The following TPCN2 variants were observed in gnomAD, a reference collection of about 807,000 sequenced individuals.
TPCN2 encodes two pore segment channel 2.
In TPCN2, 92 loss-of-function variants were observed where a neutral mutation model predicts 111.4. The ratio of observed to expected loss-of-function variants is 0.83; its 90% CI spans 0.70 to 0.98. TPCN2 has a LOEUF of 0.98. Ranked by LOEUF, TPCN2 falls within the 50% of genes least tolerant of loss-of-function variation. The pLI is 0.00. For synonymous variants in TPCN2, 405 were observed against 414.5 expected (o/e 0.98, Z 0.28); for missense variants, 995 against 980.1 (o/e 1.02, Z -0.20).
At position 69,087,046 on chromosome 11, in the gene TPCN2, C is replaced by T. The variant is rs564725787; in HGVS notation, c.2086-66C>T. ...GCCCTGTGGCTGACCCTGGAGGGGC[C>T]GGGGATGGGGCAAGGCTGCTTTCAT... On this transcript the variant is annotated intron_variant, in intron 23 of 24. Transcript: ENST00000294309. 1.0e-4 allele frequency: 146 copies of T among 1,430,828 alleles called. No homozygotes were observed. In the South Asian group the frequency reaches 1.1e-3, roughly 11 times the overall value. 88.6% of individuals were successfully genotyped at this position (1,430,828 alleles called of 1,614,324 possible).
In TPCN2 at chr11:69,088,209, G is replaced by A. The variant is rs753555833; in HGVS notation, c.*256G>A. 12 of 504,988 alleles carry A rather than the reference G, an allele frequency of 2.4e-5. No individual in the cohort carries two copies. The highest frequency in any genetic ancestry group is 3.6e-5 in the Admixed American group (1 of 27,938). 31.3% of individuals were successfully genotyped at this position (504,988 alleles called of 1,614,324 possible). On this transcript the variant is annotated 3_prime_UTR_variant, in exon 25 of 25. Coordinates refer to ENST00000294309, the MANE Select transcript of TPCN2 (RefSeq NM_139075.4). ...TAGCTGCTTCAGTGAGAATTCCCTC[G>A]TCGACTCCACAGGGACCTTTCAGAC...
chr11:69,079,934 C>G, intron 17 of TPCN2, 51 bp downstream of exon 17: 1 of 1,582,550 alleles, frequency 6.3e-7, no homozygotes, highest in Non-Finnish European at 8.7e-7. Flanking sequence ...GCACCACCAC[C>G]CAGCGCCCCT....
At chr11:69,083,829 GTGGTCAT>G (rs1217055624) in intron 18 of TPCN2, 109 bp from the exon 19 acceptor site, 1 of 868,612 alleles carries the variant, frequency 1.2e-6, no homozygotes, top group African/African-American at 1.6e-5. Flanking sequence ...GTGTGGGTTG[GTGGTCAT>G]TGGCCTGCCC....
At chr11:69,085,396 C>T in intron 20 of TPCN2, 110 bp downstream of exon 20, 2 of 1,115,828 alleles carry the variant, frequency 1.8e-6, no homozygotes, top group Non-Finnish European at 2.7e-6. Flanking sequence ...GGAGGGTGTT[C>T]TCCCAGTTCC....
Position 69,085,257 on chromosome 11 carries a change from C to A in TPCN2, c.1809C>A (p.Gly603=). ...FAIIGINLFR[G]VIVALPGNSS... is the part of the protein sequence containing the mutation. ...TCATTGGGATCAACTTGTTTAGAGGCGTCATTGTGGCTCTTCCTGGAAACA... is the reference window on the plus strand; with the variant it reads ...TCATTGGGATCAACTTGTTTAGAGGAGTCATTGTGGCTCTTCCTGGAAACA... Residue 603 remains glycine, a synonymous_variant, in exon 20 of 25, where the codon GGC becomes GGA. Coordinates refer to ENST00000294309, the MANE Select transcript of TPCN2 (RefSeq NM_139075.4). The A allele has an allele frequency of 6.3e-7, 1 of 1,596,868 alleles. No individual in the cohort carries two copies. The highest frequency in any genetic ancestry group is 8.5e-7 in the Non-Finnish European group (1 of 1,169,698).
In TPCN2 at chr11:69,085,202, C is replaced by T. The variant is rs200631027; in HGVS notation, c.1762-8C>T. On this transcript the variant is annotated splice_region_variant and splice_polypyrimidine_tract_variant and intron_variant, in intron 19 of 24. Coordinates refer to ENST00000294309, the MANE Select transcript of TPCN2 (RefSeq NM_139075.4). Reference sequence around the variant, plus strand: ...GGGCTGATCAGTCCCCGGCTCCTGGCCCGCCAGGTGGTCTACTACGTATTT... The same window carrying T: ...GGGCTGATCAGTCCCCGGCTCCTGGTCCGCCAGGTGGTCTACTACGTATTT... 75 of 1,614,004 alleles carry T rather than the reference C, an allele frequency of 4.6e-5. No individual in the cohort carries two copies. In the African/African-American group the frequency reaches 9.2e-4, roughly 20 times the overall value.
intron 20 of TPCN2, 147 bp from the exon 21 acceptor site, chr11:69,085,524 C>A: frequency 1.4e-6 from 1 of 718,786 alleles, no homozygotes. Context: ...CTGCTCAGAG[C>A]AGCACTTTCC....
In TPCN2 at chr11:69,081,592, G is replaced by A. The variant is rs116438521; in HGVS notation, c.1689+93G>A. 2,119 of 940,882 alleles carry A rather than the reference G, an allele frequency of 2.3e-3. 31 individuals carry two copies. In the African/African-American group the frequency reaches 0.032, roughly 14 times the overall value. The allele number at this position is 940,882 out of a possible 1,614,324, so 58.3% of individuals were successfully genotyped here. A position where few individuals can be genotyped will look rare whatever the true frequency, so the allele number is the denominator to read the frequency against. ...GGTGAGCCTGGGGCAGGAAGGGCCC[G>A]AGGACTGTGCCCGTCACCCTGGGCT... On this transcript the variant is annotated intron_variant, in intron 18 of 24. Coordinates refer to ENST00000294309, the MANE Select transcript of TPCN2 (RefSeq NM_139075.4).
chr11:69,055,376 A>G (rs1272681976), intron 4 of TPCN2, 24 bp downstream of exon 4: 3 of 1,583,652 alleles, frequency 1.9e-6, no homozygotes, highest in Non-Finnish European at 2.6e-6. Flanking sequence ...CAGGCCCTCT[A>G]CGTGCTGCCC....
At chr11:69,070,847 G>A (rs1269968836) in intron 9 of TPCN2, among the ~76,000 whole-genome samples, 1 of 136,340 alleles carries the variant, frequency 7.3e-6, no homozygotes, top group Non-Finnish European at 1.5e-5. Flanking sequence ...CTTCACCCCA[G>A]GGATCCCTCA....
chr11:69,076,735 T>C (rs1855776615), intron 13 of TPCN2, among the ~76,000 whole-genome samples: 1 of 10,030 alleles, frequency 1.0e-4, no homozygotes. Flanking sequence ...GCTGTGTCCC[T>C]CCACCTGCCC....
chr11:69,066,628 T>G (rs964824717), intron 7 of TPCN2, among the ~76,000 whole-genome samples: 3 of 152,214 alleles, frequency 2.0e-5, no homozygotes. Context: ...GGTGCCTCCA[T>G]GCCAGGGCCT....
intron 22 of TPCN2, among the ~76,000 whole-genome samples, chr11:69,086,150 T>C (rs1012966517): frequency 2.0e-5 from 3 of 152,186 alleles, no homozygotes; most frequent in African/African-American, 7.2e-5. Context: ...TGACTCTGGG[T>C]TTACACCTCC....
rs1442097652 is a variant in TPCN2 at position 69,072,686 on chromosome 11, C to T, written c.1121C>T (p.Ser374Phe). 3 of 1,613,816 alleles carry T rather than the reference C, an allele frequency of 1.9e-6. No homozygotes were observed. Among genetic ancestry groups the T allele is most frequent in the Non-Finnish European group, 1.7e-6 (2 of 1,180,008 alleles). ...QVLQKVQLDS[S>F]HKQAMMEKVR... ...CTTCAGAAGGTCCAGCTGGACAGCT[C>T]CCACAAACAGGCCATGATGGAGGTA... The change falls in exon 12 of 25, where the codon TCC becomes TTC. Residue 374 changes from serine (S) to phenylalanine (F), a missense_variant. Physicochemically the swap from Ser to Phe is radical, Grantham distance 155 (BLOSUM62 -2). Transcript: ENST00000294309.
Position 69,071,997 on chromosome 11 carries a change from G to A in TPCN2, c.1035G>A (p.Val345=), listed in dbSNP as rs888260286. The change falls in exon 11 of 25, where the codon GTG becomes GTA. Residue 345 remains valine (V), a synonymous_variant. Coordinates refer to ENST00000294309, the MANE Select transcript of TPCN2 (RefSeq NM_139075.4). ...CCTTTGAAGTCCTATCCTCCATGGTGGGGGAGGGAGGAGCCTTCCCTCAGG... is the reference window on the plus strand; with the variant it reads ...CCTTTGAAGTCCTATCCTCCATGGTAGGGGAGGGAGGAGCCTTCCCTCAGG... ...RAAFEVLSSM[V]GEGGAFPQAV... The A allele has an allele frequency of 1.9e-6, 3 of 1,613,684 alleles. No homozygotes were observed. The highest frequency in any genetic ancestry group is 2.5e-6 in the Non-Finnish European group (3 of 1,179,896).
At chr11:69,083,229 C>T (rs1856121231) in intron 18 of TPCN2, 1 of 152,982 alleles carries the variant, frequency 6.5e-6, no homozygotes, top group Admixed American at 6.5e-5. Flanking sequence ...TGCAATCATG[C>T]CGTTTTGCTT....
intron 6 of TPCN2, 30 bp downstream of exon 6, chr11:69,063,020 G>T (rs1855091499): frequency 1.2e-6 from 2 of 1,600,668 alleles, no homozygotes; most frequent in African/African-American, 2.7e-5. Flanking sequence ...GGCTCGCAGG[G>T]TTGGGAAGGG....
Position 69,071,419 on chromosome 11 carries a change from T to C in TPCN2, c.959T>C (p.Met320Thr). ...IIYSQFRGYL[M>T]KSLQTSLFRR... is the part of the protein sequence containing the mutation. ...TACAGTCAGTTCCGGGGCTACCTGATGGTGAGCGAGCTCCCCAATGCTGGC... is the reference window on the plus strand; with the variant it reads ...TACAGTCAGTTCCGGGGCTACCTGACGGTGAGCGAGCTCCCCAATGCTGGC... Residue 320 changes from methionine (M) to threonine (T), a missense_variant and splice_region_variant, in exon 10 of 25, where the codon ATG (methionine) becomes ACG (threonine). By Grantham distance (81) the Met-to-Thr change is moderately conservative. Coordinates refer to ENST00000294309, the MANE Select transcript of TPCN2 (RefSeq NM_139075.4). The C allele has an allele frequency of 6.2e-7, 1 of 1,612,978 alleles. No individual in the cohort carries two copies. The highest frequency in any genetic ancestry group is 8.5e-7 in the Non-Finnish European group (1 of 1,179,602).
intron 18 of TPCN2, among the ~76,000 whole-genome samples, chr11:69,083,008 G>T (rs984960129): frequency 6.9e-6 from 1 of 145,136 alleles, no homozygotes; most frequent in Non-Finnish European, 1.5e-5. Flanking sequence ...GCATGATCGT[G>T]TGTGCACACA....
Sources: allele counts gnomAD v4.1 joint callset (sites outside exome capture counted in the v4.1 genomes callset), GRCh38; gene constraint gnomAD v4.1.1; transcripts MANE v1.5; gene names NCBI Gene and HGNC (gene_info 2026-07-23, HGNC 2026-07-21).